MSI2: variants seen among roughly 807,000 people sequenced by gnomAD.
MSI2 encodes RNA-binding protein Musashi homolog 2.
In MSI2, 17 loss-of-function variants were observed where a neutral mutation model predicts 45.6. That is an observed-to-expected ratio of 0.37 (90% confidence interval 0.26 to 0.56). MSI2 has a LOEUF of 0.56. Ranked by LOEUF, MSI2 falls within the 20% of genes least tolerant of loss-of-function variation. The pLI, the probability that MSI2 is intolerant of heterozygous loss-of-function variation, is 0.77. For synonymous variants in MSI2, 156 were observed against 158.2 expected (o/e 0.99, Z 0.11); for missense variants, 293 against 444.2 (o/e 0.66, Z 3.06).
chr17:57,311,978 G>C (rs967011466), intron 5 of MSI2, among the ~76,000 whole-genome samples: 1 of 152,192 alleles, frequency 6.6e-6, no homozygotes, highest in African/African-American at 2.4e-5. Context: ...AATTACGGGC[G>C]TGAGCTATGG....
At chr17:57,378,981 C>G (rs542097334) in intron 5 of MSI2, among the ~76,000 whole-genome samples, 2 of 152,202 alleles carry the variant, frequency 1.3e-5, no homozygotes, top group Admixed American at 6.6e-5. Context: ...CATCAGCCTG[C>G]GTGTGGGGTC....
At chr17:57,603,726 G>T (rs114155164) in intron 8 of MSI2, among the ~76,000 whole-genome samples, 1 of 152,172 alleles carries the variant, frequency 6.6e-6, no homozygotes, top group East Asian at 1.9e-4. Context: ...TAAATGAAGG[G>T]GCGTGGCTGT....
intron 5 of MSI2, among the ~76,000 whole-genome samples, chr17:57,328,174 G>C (rs1413748080): frequency 6.6e-6 from 1 of 152,018 alleles, no homozygotes; most frequent in African/African-American, 2.4e-5. Context: ...GCCTGTATTG[G>C]CTTCTGTCCA....
At chr17:57,399,267 A>C (rs137877333) in intron 5 of MSI2, among the ~76,000 whole-genome samples, 9 of 152,338 alleles carry the variant, frequency 5.9e-5, no homozygotes, top group African/African-American at 2.2e-4. Flanking sequence ...ATTCATCTGA[A>C]AAGAGGTGAA....
intron 5 of MSI2, among the ~76,000 whole-genome samples, chr17:57,321,507 A>G (rs149156470): frequency 1.3e-4 from 20 of 152,270 alleles, no homozygotes; most frequent in Admixed American, 4.6e-4. Flanking sequence ...TTCTCTGGAA[A>G]CAGGAGGACA....
chr17:57,630,852 C>G (rs1909299625), intron 10 of MSI2: 1 of 152,312 alleles, frequency 6.6e-6, no homozygotes, highest in South Asian at 2.1e-4. Context: ...TTCCATCTGT[C>G]ACCTCATGCC....
At chr17:57,550,513 G>A (rs1026925399) in intron 7 of MSI2, among the ~76,000 whole-genome samples, 9 of 152,156 alleles carry the variant, frequency 5.9e-5, no homozygotes, top group African/African-American at 2.2e-4. Context: ...GGATTTGGGG[G>A]GGTCACAGGG....
At chr17:57,292,412 T>C (rs1191886071) in intron 5 of MSI2, among the ~76,000 whole-genome samples, 2 of 150,050 alleles carry the variant, frequency 1.3e-5, no homozygotes, top group African/African-American at 4.9e-5. Flanking sequence ...GGGGGCAGAG[T>C]GAGTATGAAA....
chr17:57,375,263 C>T (rs1033527389), intron 5 of MSI2, among the ~76,000 whole-genome samples: 13 of 152,262 alleles, frequency 8.5e-5, no homozygotes, highest in African/African-American at 1.7e-4. Flanking sequence ...CTCTGACAAG[C>T]GGTGGTCAGC....
At chr17:57,294,261 C>T (rs1192904055) in intron 5 of MSI2, among the ~76,000 whole-genome samples, 1 of 152,034 alleles carries the variant, frequency 6.6e-6, no homozygotes. Flanking sequence ...ATAAATCTTG[C>T]CTTGTTGTTT....
At chr17:57,270,307 G>T (rs1908240510) in intron 5 of MSI2, among the ~76,000 whole-genome samples, 4 of 152,166 alleles carry the variant, frequency 2.6e-5, no homozygotes, top group Non-Finnish European at 5.9e-5. Flanking sequence ...GGGCCTGAGA[G>T]GGCAGACAGC....
At chr17:57,468,886 CAG>C (rs2085382335) in intron 6 of MSI2, among the ~76,000 whole-genome samples, 1 of 152,176 alleles carries the variant, frequency 6.6e-6, no homozygotes, top group Non-Finnish European at 1.5e-5. Context: ...CTCCTTGAGA[CAG>C]AATCTTTTCC....
At chr17:57,307,203 C>T (rs1222618659) in intron 5 of MSI2, among the ~76,000 whole-genome samples, 1 of 152,148 alleles carries the variant, frequency 6.6e-6, no homozygotes, top group Non-Finnish European at 1.5e-5. Flanking sequence ...TTTGGTGAAA[C>T]CTTAGTCTAT....
chr17:57,285,847 C>T (rs1909823747), intron 5 of MSI2: 1 of 1,486,720 alleles, frequency 6.7e-7, no homozygotes, highest in East Asian at 2.5e-5. Context: ...CACTCACTTT[C>T]TGTTGTGTAG....
chr17:57,293,455 C>T (rs965525662), intron 5 of MSI2, among the ~76,000 whole-genome samples: 4 of 152,210 alleles, frequency 2.6e-5, no homozygotes, highest in East Asian at 1.9e-4. Context: ...CTCCTCCTCA[C>T]GCTGCAACAG....
At chr17:57,353,779 T>C (rs1207203488) in intron 5 of MSI2, among the ~76,000 whole-genome samples, 1 of 152,216 alleles carries the variant, frequency 6.6e-6, no homozygotes, top group Non-Finnish European at 1.5e-5. Context: ...TTAATTTTGG[T>C]CCTGGATGGT....
At chr17:57,589,254 A>G (rs940225245) in intron 7 of MSI2, among the ~76,000 whole-genome samples, 2 of 152,236 alleles carry the variant, frequency 1.3e-5, no homozygotes, top group South Asian at 2.1e-4. Flanking sequence ...AGTATTGTGC[A>G]GTGATTTCCC....
chr17:57,371,734 A>C (rs1201499919), intron 5 of MSI2, among the ~76,000 whole-genome samples: 4 of 151,972 alleles, frequency 2.6e-5, no homozygotes, highest in Non-Finnish European at 4.4e-5. Flanking sequence ...TATTATTATT[A>C]TTATAAGTAA....
At chr17:57,554,462 T>C (rs1033668383) in intron 7 of MSI2, among the ~76,000 whole-genome samples, 1 of 152,196 alleles carries the variant, frequency 6.6e-6, no homozygotes, top group African/African-American at 2.4e-5. Context: ...CCCCCTCTCC[T>C]CCTCAGCAAG....
Sources: gnomAD v4.1 joint callset for allele counts (sites outside exome capture counted in the v4.1 genomes callset) on GRCh38, gnomAD v4.1.1 for gene constraint, MANE v1.5 for transcripts, NCBI Gene and HGNC (gene_info 2026-07-23, HGNC 2026-07-21) for gene names.